DNM2: variants seen among roughly 807,000 people sequenced by gnomAD.
The protein encoded by DNM2 is dynamin 2, also known as dynamin-2.
Under a neutral mutation model 99.0 loss-of-function variants are expected in DNM2, and 15 were observed. The observed-to-expected ratio is 0.15, with a 90% CI of 0.10 to 0.23. The LOEUF (loss-of-function observed/expected upper bound fraction) is 0.23. Ranked by LOEUF, DNM2 falls within the 10% of genes least tolerant of loss-of-function variation. DNM2 has a pLI of 1.00. For missense variants in DNM2, 742 were observed against 1,189.4 expected (o/e 0.62, Z 5.53); for synonymous variants, 525 against 481.2 (o/e 1.09, Z -1.19).
chr19:10,825,008 C>T, intron 17 of DNM2, 49 bp from the exon 18 acceptor site: 11 of 1,612,200 alleles, frequency 6.8e-6, no homozygotes, highest in Non-Finnish European at 7.6e-6. Context: ...AGAACCAGGA[C>T]TTGGCCCAGG....
rs371749823 is a variant in DNM2 at position 10,812,242 on chromosome 19, T to G, written c.1558-22T>G. The G allele has an allele frequency of 6.4e-7, 1 of 1,569,204 alleles. No homozygotes were observed. The highest frequency in any genetic ancestry group is 8.6e-7 in the Non-Finnish European group (1 of 1,156,664). ...TGGGGCACGGAGCGAGGTTCCCTGC[T>G]AAGCTGCGCGCTTTCCCCCAGGTGA... is the stretch of plus-strand genomic sequence containing the variant. On this transcript the variant is annotated intron_variant, in intron 14 of 20. Coordinates refer to ENST00000389253, the MANE Select transcript of DNM2 (RefSeq NM_001005361.3). This position sits in a 1 kb window ranked among gnomAD's most constrained non-coding sequence, Gnocchi z 4.0.
intron 1 of DNM2, among the ~76,000 whole-genome samples, chr19:10,720,526 G>C (rs1313443680): frequency 1.3e-5 from 2 of 151,918 alleles, no homozygotes; most frequent in Non-Finnish European, 2.9e-5. Flanking sequence ...GGAGTTCCAA[G>C]ACCAGCCTGG....
At chr19:10,724,363 G>T (rs1218878756) in intron 1 of DNM2, among the ~76,000 whole-genome samples, 1 of 152,144 alleles carries the variant, frequency 6.6e-6, no homozygotes, top group Non-Finnish European at 1.5e-5. Flanking sequence ...ATTTTTAGTA[G>T]AGATGGAGTT....
intron 12 of DNM2, 65 bp from the exon 13 acceptor site, chr19:10,805,851 G>A (rs1383859576): frequency 9.9e-6 from 16 of 1,608,510 alleles, no homozygotes; most frequent in African/African-American, 8.0e-5. Context: ...GGCCACATTC[G>A]CCTCTTCCCC....
chr19:10,800,945 T>C (rs2072115999), intron 11 of DNM2, among the ~76,000 whole-genome samples: 1 of 152,246 alleles, frequency 6.6e-6, no homozygotes, highest in South Asian at 2.1e-4. Flanking sequence ...GTGTTTTATT[T>C]TAGTGTTCAT....
At position 10,772,392 on chromosome 19, in the gene DNM2, T is replaced by G; in HGVS notation, c.236-87T>G. 6.3e-7 allele frequency: 1 copy of G among 1,576,366 alleles called. No individual in the cohort carries two copies. The highest frequency in any genetic ancestry group is 8.6e-7 in the Non-Finnish European group (1 of 1,156,742). On this transcript the variant is annotated intron_variant, in intron 2 of 20. Coordinates refer to ENST00000389253, the MANE Select transcript of DNM2 (RefSeq NM_001005361.3). This position sits in a 1 kb window ranked among gnomAD's most constrained non-coding sequence, Gnocchi z 4.9. ...CTGTGCCCAGCCTGGGTCATTACTT[T>G]CATTCAACAAAGCATTTCTCCCCGC...
chr19:10,741,345 C>T (rs777830618), intron 1 of DNM2, among the ~76,000 whole-genome samples: 20 of 152,012 alleles, frequency 1.3e-4, no homozygotes, highest in Non-Finnish European at 2.5e-4. Flanking sequence ...GATCCTCCCA[C>T]CTCTGCCTCC....
At chr19:10,771,881 A>G (rs534279775) in intron 2 of DNM2, among the ~76,000 whole-genome samples, 3 of 152,028 alleles carry the variant, frequency 2.0e-5, no homozygotes, top group East Asian at 3.9e-4. Flanking sequence ...ATATGTCATG[A>G]CGTATATTAA....
chr19:10,744,149 C>G (rs929832745), intron 1 of DNM2, among the ~76,000 whole-genome samples: 2 of 150,800 alleles, frequency 1.3e-5, no homozygotes, highest in South Asian at 4.2e-4. Context: ...CAGAGCCAGA[C>G]TCCATCTAAA....
chr19:10,718,189 G>A lies in DNM2; in HGVS notation c.-54G>A. 7.2e-7 allele frequency: 1 copy of A among 1,381,494 alleles called. No homozygotes were observed. The allele number at this position is 1,381,494 out of a possible 1,614,324, so 85.6% of individuals were successfully genotyped here. A position where few individuals can be genotyped will look rare whatever the true frequency, so the allele number is the denominator to read the frequency against. ...AGACGCCGCGGGGCCAGGTCGTTGA[G>A]GGTCGGCGGCGGGCGAGGAGCGCAG... is the stretch of plus-strand genomic sequence containing the variant. On this transcript the variant is annotated 5_prime_UTR_variant, in exon 1 of 21. Transcript: ENST00000389253.
At chr19:10,823,605 T>G in intron 16 of DNM2, 183 bp from the exon 17 acceptor site, 1 of 600,168 alleles carries the variant, frequency 1.7e-6, no homozygotes, top group Non-Finnish European at 3.0e-6. Context: ...TTGCCGAGCT[T>G]GTGCACAGCG....
At position 10,775,530 on chromosome 19, in the gene DNM2, G is replaced by T. The variant is rs4804528; in HGVS notation, c.386-173G>T. Among the ~76,000 whole-genome samples, 48,969 of 152,040 alleles carry T rather than the reference G, an allele frequency of 0.32. 8,952 individuals carry two copies. The highest frequency in any genetic ancestry group is 0.47 in the Middle Eastern group (137 of 294). The stretch of plus-strand genomic sequence containing the variant: ...TAGGTAGAAGGTATCTGTAGGATGG[G>T]ATCCTAGAAGGGGAGTTACTGGATC... On this transcript the variant is annotated intron_variant, in intron 3 of 20. Coordinates refer to ENST00000389253, the MANE Select transcript of DNM2 (RefSeq NM_001005361.3). This position sits in a 1 kb window ranked among gnomAD's most constrained non-coding sequence, Gnocchi z 4.3.
intron 18 of DNM2, among the ~76,000 whole-genome samples, chr19:10,828,511 C>T (rs1377286997): frequency 2.6e-5 from 4 of 151,624 alleles, no homozygotes; most frequent in African/African-American, 9.7e-5. Context: ...GGCATAAACC[C>T]GGGAGGCGGA....
rs561954211 is a variant in DNM2 at position 10,720,295 on chromosome 19, C to T, written c.161+1892C>T. ...TGGAGCAATCTTGGCTCACTGCAAC[C>T]TCTGCCTCCCAGGTTCAGGCCATTC... On this transcript the variant is annotated intron_variant, in intron 1 of 20. Transcript: ENST00000389253. Among the ~76,000 whole-genome samples, 51 of 151,778 alleles carry T rather than the reference C, an allele frequency of 3.4e-4. 1 individual carries two copies. The South Asian group carries it at 9.0e-3, about 27-fold the overall frequency.
At chr19:10,727,297 A>C (rs1159259890) in intron 1 of DNM2, among the ~76,000 whole-genome samples, 1 of 152,128 alleles carries the variant, frequency 6.6e-6, no homozygotes, top group African/African-American at 2.4e-5. Context: ...TTGTTTCTGG[A>C]TGAGGGCGGA....
rs2072744874 is a variant in DNM2 at position 10,816,458 on chromosome 19, G to A, written c.1672-3522G>A. The stretch of plus-strand genomic sequence containing the variant: ...ACCTCAGATCCAGCGAACCTCATGG[G>A]GTTGGGATGTGGGAGGAGTGTGGAG... On this transcript the variant is annotated intron_variant, in intron 15 of 20. Transcript: ENST00000389253. This position sits in a 1 kb window ranked among gnomAD's most constrained non-coding sequence, Gnocchi z 4.6. Among the ~76,000 whole-genome samples the A allele has an allele frequency of 6.6e-6, 1 of 152,148 alleles. No homozygotes were observed. Among genetic ancestry groups the A allele is most frequent in the South Asian group, 2.1e-4 (1 of 4,830 alleles).
intron 1 of DNM2, among the ~76,000 whole-genome samples, chr19:10,735,593 G>A (rs943176401): frequency 7.9e-5 from 12 of 151,558 alleles, no homozygotes; most frequent in African/African-American, 2.9e-4. Context: ...GGCTCACTGC[G>A]ACCTCCGCCT....
chr19:10,731,606 G>A (rs1258022791), intron 1 of DNM2, among the ~76,000 whole-genome samples: 1 of 152,144 alleles, frequency 6.6e-6, no homozygotes, highest in Non-Finnish European at 1.5e-5. Context: ...CACCCGCCTC[G>A]GCCTCCCAAG....
intron 1 of DNM2, among the ~76,000 whole-genome samples, chr19:10,732,652 G>C (rs2069372362): frequency 6.6e-6 from 1 of 152,096 alleles, no homozygotes; most frequent in East Asian, 1.9e-4. Context: ...GAGTAAGGCT[G>C]GGTGTCCTTT....
Sources: allele counts gnomAD v4.1 joint callset (sites outside exome capture counted in the v4.1 genomes callset), GRCh38; gene constraint gnomAD v4.1.1; non-coding constraint Gnocchi (gnomAD v3.1); transcripts MANE v1.5; gene names NCBI Gene and HGNC (gene_info 2026-07-23, HGNC 2026-07-21).